Variants in PRKN observed in about 807,000 individuals in gnomAD.
PRKN encodes the protein parkin RBR E3 ubiquitin protein ligase, also known as E3 ubiquitin-protein ligase parkin.
In PRKN, 56 loss-of-function variants were observed where a neutral mutation model predicts 59.5. The observed-to-expected ratio is 0.94, with a 90% confidence interval of 0.76 to 1.18. The LOEUF is 1.18. Ranked by LOEUF, PRKN falls within the 50% of genes most tolerant of loss-of-function variation. PRKN has a pLI of 0.00. For synonymous variants in PRKN, 250 were observed against 222.1 expected, an observed-to-expected ratio of 1.13 and a Z score of -1.12; for missense variants, 657 against 596.4, an observed-to-expected ratio of 1.10 and a Z score of -1.06.
At chr6:162,096,158 G>A (rs1779720798) in intron 4 of PRKN, among the ~76,000 whole-genome samples, 1 of 151,292 alleles carries the variant, frequency 6.6e-6, no homozygotes, top group Admixed American at 6.6e-5. Context: ...TGGTGCTTCT[G>A]GAGCATTAAT....
At chr6:161,520,837 T>G (rs895782469) in intron 9 of PRKN, among the ~76,000 whole-genome samples, 3 of 152,176 alleles carry the variant, frequency 2.0e-5, no homozygotes, top group Non-Finnish European at 4.4e-5. Flanking sequence ...ACATTTTACA[T>G]AAAGACACAA....
chr6:162,638,606 C>T (rs559007541), intron 1 of PRKN, among the ~76,000 whole-genome samples: 4 of 152,256 alleles, frequency 2.6e-5, no homozygotes, highest in Admixed American at 2.0e-4. Flanking sequence ...AACACGCATT[C>T]CAGTTGAATC....
chr6:162,488,638 G>C (rs1249707855), intron 1 of PRKN, among the ~76,000 whole-genome samples: 3 of 152,174 alleles, frequency 2.0e-5, no homozygotes, highest in African/African-American at 7.2e-5. Flanking sequence ...CGTCCTCTCT[G>C]AGTATCACTT....
intron 1 of PRKN, among the ~76,000 whole-genome samples, chr6:162,715,130 CCAT>C (rs1177505468): frequency 1.3e-5 from 2 of 152,092 alleles, no homozygotes; most frequent in Admixed American, 6.6e-5. Context: ...TTTTTTTCTC[CCAT>C]CTCAACACCT....
intron 1 of PRKN, among the ~76,000 whole-genome samples, chr6:162,696,029 A>C (rs1777953246): frequency 1.3e-5 from 2 of 152,132 alleles, no homozygotes; most frequent in Admixed American, 1.3e-4. Flanking sequence ...AGCTCTGACT[A>C]CAGAAAGTGC....
chr6:162,102,037 TTTTTAA>T (rs1222157210), intron 4 of PRKN, among the ~76,000 whole-genome samples: 1 of 152,232 alleles, frequency 6.6e-6, no homozygotes, highest in South Asian at 2.1e-4. Context: ...AATTTTCTCT[TTTTTAA>T]TTTTAAGTTC....
chr6:162,103,533 C>T (rs1026877682), intron 4 of PRKN, among the ~76,000 whole-genome samples: 1 of 151,458 alleles, frequency 6.6e-6, no homozygotes, highest in South Asian at 2.1e-4. Flanking sequence ...AGGAATGGAA[C>T]AGAAGTCTCT....
chr6:161,980,951 A>G (rs925222545), intron 5 of PRKN, among the ~76,000 whole-genome samples: 1 of 152,262 alleles, frequency 6.6e-6, no homozygotes, highest in African/African-American at 2.4e-5. Context: ...ATATGTATTG[A>G]AGATACAGAA....
chr6:162,370,472 TCCCC>T (rs1181907319), intron 2 of PRKN, among the ~76,000 whole-genome samples: 4 of 152,062 alleles, frequency 2.6e-5, no homozygotes, highest in Non-Finnish European at 5.9e-5. Context: ...CAACTTCATT[TCCCC>T]AAATTACATT....
chr6:161,830,246 T>C (rs1285015123), intron 6 of PRKN, among the ~76,000 whole-genome samples: 1 of 146,108 alleles, frequency 6.8e-6, no homozygotes, highest in Non-Finnish European at 1.5e-5. Context: ...CCTTTGTTTT[T>C]TTTGTTTTTT....
intron 8 of PRKN, among the ~76,000 whole-genome samples, chr6:161,564,385 T>C (rs551137208): frequency 2.2e-4 from 33 of 152,324 alleles, no homozygotes; most frequent in Non-Finnish European, 5.9e-5. Flanking sequence ...TCCTTTTTCC[T>C]ACCACATATT....
intron 7 of PRKN, among the ~76,000 whole-genome samples, chr6:161,657,165 C>A (rs942923328): frequency 5.9e-5 from 9 of 152,108 alleles, no homozygotes; most frequent in Admixed American, 5.2e-4. Flanking sequence ...CTGTTCAGTT[C>A]CAAATCCAGA....
At chr6:161,889,446 G>A (rs557959066) in intron 6 of PRKN, among the ~76,000 whole-genome samples, 3 of 152,198 alleles carry the variant, frequency 2.0e-5, no homozygotes, top group South Asian at 2.1e-4. Flanking sequence ...AACAACGGGC[G>A]CACAGCATCT....
chr6:161,757,455 G>A (rs114994334), intron 7 of PRKN, among the ~76,000 whole-genome samples: 1 of 151,892 alleles, frequency 6.6e-6, no homozygotes, highest in African/African-American at 2.4e-5. Context: ...GAGACTCCGT[G>A]TCACCATAAA....
chr6:161,622,196 G>T (rs536068559), intron 7 of PRKN, among the ~76,000 whole-genome samples: 1 of 152,240 alleles, frequency 6.6e-6, no homozygotes, highest in Non-Finnish European at 1.5e-5. Flanking sequence ...CTGCAGTAGT[G>T]GTCTCCCTGT....
At chr6:162,670,259 A>G (rs1215363909) in intron 1 of PRKN, among the ~76,000 whole-genome samples, 1 of 152,224 alleles carries the variant, frequency 6.6e-6, no homozygotes, top group Non-Finnish European at 1.5e-5. Context: ...AACTAGCTCT[A>G]AGAACGAAAA....
intron 2 of PRKN, among the ~76,000 whole-genome samples, chr6:162,418,387 TTG>T (rs1788756012): frequency 6.6e-6 from 1 of 151,900 alleles, no homozygotes; most frequent in East Asian, 1.9e-4. Flanking sequence ...TCTTTTGGGG[TTG>T]ATGAAAGTGT....
chr6:162,248,503 C>A (rs75409254), intron 3 of PRKN, among the ~76,000 whole-genome samples: 18,914 of 152,072 alleles, frequency 0.12, 1,775 homozygotes, highest in East Asian at 0.49. Context: ...TCAGCGTATA[C>A]TCCTGTTTCC....
chr6:162,533,749 T>C (rs957012114), intron 1 of PRKN, among the ~76,000 whole-genome samples: 2 of 151,986 alleles, frequency 1.3e-5, no homozygotes, highest in African/African-American at 4.8e-5. Context: ...GGCGGGCGGA[T>C]CACCTGAGGT....
Sources: allele counts gnomAD v4.1 joint callset (sites outside exome capture counted in the v4.1 genomes callset), GRCh38; gene constraint gnomAD v4.1.1; transcripts MANE v1.5; gene names NCBI Gene and HGNC (gene_info 2026-07-23, HGNC 2026-07-21).